The following SFMBT2 variants were observed in gnomAD, a reference collection of about 807,000 sequenced individuals.
SFMBT2 encodes scm-like with four MBT domains protein 2.
In SFMBT2, 38 loss-of-function variants were observed where a neutral mutation model predicts 110.1. The ratio of observed to expected loss-of-function variants is 0.35; its 90% CI spans 0.27 to 0.45. The LOEUF is 0.45. SFMBT2 is among the 20% of genes least tolerant of loss of function. SFMBT2 has a pLI of 1.00. For synonymous variants in SFMBT2, 425 were observed against 425.4 expected (o/e 1.00, Z 0.01); for missense variants, 1,011 against 1,094.9 (o/e 0.92, Z 1.08).
At position 7,179,341 on chromosome 10, in the gene SFMBT2, C is replaced by T. The variant is rs185606638; in HGVS notation, c.1809-3176G>A. 4.3e-3 allele frequency among the ~76,000 whole-genome samples: 617 copies of T among 143,698 alleles called. 2 individuals are homozygous for T. The highest frequency in any genetic ancestry group is 7.2e-3 in the Non-Finnish European group (481 of 66,766). The allele number at this position is 143,698 out of a possible 152,430, so 94.3% of individuals were successfully genotyped here. On this transcript the variant is annotated intron_variant, in intron 16 of 20. Transcript: ENST00000397167. ...CTCTCCGTGCCTTTGAAGAGGGACTCCAGGACCCACGTTGGGGCGGTTCTT... is the reference window on the plus strand; with the variant it reads ...CTCTCCGTGCCTTTGAAGAGGGACTTCAGGACCCACGTTGGGGCGGTTCTT...
At chr10:7,236,396 A>G (rs980332324) in intron 9 of SFMBT2, among the ~76,000 whole-genome samples, 1 of 152,192 alleles carries the variant, frequency 6.6e-6, no homozygotes, top group Non-Finnish European at 1.5e-5. Flanking sequence ...TATCAAGACT[A>G]TATTATTATA....
chr10:7,279,468 A>T (rs1841881341), intron 6 of SFMBT2, among the ~76,000 whole-genome samples: 1 of 152,208 alleles, frequency 6.6e-6, no homozygotes, highest in African/African-American at 2.4e-5. Context: ...TGCAGTTTTG[A>T]CAGCCTGACA....
At chr10:7,348,765 T>C (rs1844202885) in intron 4 of SFMBT2, among the ~76,000 whole-genome samples, 1 of 152,228 alleles carries the variant, frequency 6.6e-6, no homozygotes, top group South Asian at 2.1e-4. Context: ...TCCATCCTTT[T>C]TGAGAGAAAG....
chr10:7,176,261 C>T, intron 16 of SFMBT2, 96 bp from the exon 17 acceptor site: 1 of 1,313,110 alleles, frequency 7.6e-7, no homozygotes, highest in Non-Finnish European at 1.1e-6. Flanking sequence ...ACTTCATTTT[C>T]CAATGACAAA....
intron 10 of SFMBT2, among the ~76,000 whole-genome samples, chr10:7,222,940 G>A (rs1026440596): frequency 6.6e-6 from 1 of 152,136 alleles, no homozygotes; most frequent in Admixed American, 6.5e-5. Context: ...ACAGGTGTGA[G>A]CCACTGAGCC....
chr10:7,402,692 C>T lies in SFMBT2; in HGVS notation c.-52+8169G>A, dbSNP rs939672464. 5.9e-5 allele frequency among the ~76,000 whole-genome samples: 9 copies of T among 152,116 alleles called. No individual in the cohort carries two copies. In the South Asian group the frequency reaches 6.2e-4, roughly 10 times the overall value. The stretch of plus-strand genomic sequence containing the variant: ...TCATAGTCCCAGACCAACAGTACCA[C>T]GGAAGGGGTCTACAAGCAGCTGGCA... On this transcript the variant is annotated intron_variant, in intron 1 of 20. Coordinates refer to ENST00000397167, the MANE Select transcript of SFMBT2 (RefSeq NM_001387889.1).
chr10:7,323,813 G>T (rs1843282802), intron 4 of SFMBT2, among the ~76,000 whole-genome samples: 1 of 152,072 alleles, frequency 6.6e-6, no homozygotes, highest in African/African-American at 2.4e-5. Flanking sequence ...GCTTAAAAAG[G>T]TTTCTTTTTA....
chr10:7,363,730 A>G (rs1844802048), intron 4 of SFMBT2, among the ~76,000 whole-genome samples: 1 of 152,152 alleles, frequency 6.6e-6, no homozygotes. Flanking sequence ...CCCTCATGCA[A>G]AGATGAGAAC....
chr10:7,223,198 G>A (rs945717634), intron 10 of SFMBT2, among the ~76,000 whole-genome samples: 2 of 152,194 alleles, frequency 1.3e-5, no homozygotes, highest in East Asian at 3.8e-4. Flanking sequence ...AACCTTCTAA[G>A]AAGCTGCCAA....
At chr10:7,366,056 G>A (rs921238781) in intron 4 of SFMBT2, among the ~76,000 whole-genome samples, 1 of 152,118 alleles carries the variant, frequency 6.6e-6, no homozygotes, top group African/African-American at 2.4e-5. Context: ...GTGCAGATAG[G>A]GTGTGACCTG....
chr10:7,405,037 GCC>G (rs1248633758), intron 1 of SFMBT2, among the ~76,000 whole-genome samples: 1 of 152,152 alleles, frequency 6.6e-6, no homozygotes, highest in Non-Finnish European at 1.5e-5. Flanking sequence ...ACTTGTTTTA[GCC>G]AACGAGAGTA....
At chr10:7,299,898 C>A (rs1842509576) in intron 4 of SFMBT2, among the ~76,000 whole-genome samples, 2 of 151,962 alleles carry the variant, frequency 1.3e-5, no homozygotes. Context: ...TGGAGCCAAC[C>A]CAAATACCCA....
intron 1 of SFMBT2, among the ~76,000 whole-genome samples, chr10:7,409,622 GAC>G (rs1846317288): frequency 6.6e-6 from 1 of 151,564 alleles, no homozygotes; most frequent in African/African-American, 2.4e-5. Context: ...CAATGGACTT[GAC>G]ACACAGACTC....
At chr10:7,189,440 T>A (rs1236187758) in intron 15 of SFMBT2, among the ~76,000 whole-genome samples, 1 of 152,142 alleles carries the variant, frequency 6.6e-6, no homozygotes, top group East Asian at 1.9e-4. Flanking sequence ...GGAGATACGA[T>A]GTTCCTGTTA....
intron 4 of SFMBT2, among the ~76,000 whole-genome samples, chr10:7,337,458 C>T (rs1031495453): frequency 7.2e-5 from 11 of 152,286 alleles, no homozygotes; most frequent in African/African-American, 2.4e-4. Context: ...TGGTTTAACG[C>T]CATCCTCCTT....
chr10:7,221,854 T>C (rs1839752668), intron 10 of SFMBT2, among the ~76,000 whole-genome samples: 1 of 152,164 alleles, frequency 6.6e-6, no homozygotes, highest in South Asian at 2.1e-4. Context: ...ATTATGCAGC[T>C]ACAACCACAA....
chr10:7,211,415 A>G (rs957091928), intron 11 of SFMBT2, among the ~76,000 whole-genome samples: 1 of 152,110 alleles, frequency 6.6e-6, no homozygotes, highest in Non-Finnish European at 1.5e-5. Context: ...GAACTTTGCT[A>G]TGGTTCCTGC....
At chr10:7,200,178 A>G (rs1184151950) in intron 14 of SFMBT2, among the ~76,000 whole-genome samples, 2 of 152,214 alleles carry the variant, frequency 1.3e-5, no homozygotes, top group African/African-American at 2.4e-5. Flanking sequence ...CCCTTTTTCT[A>G]TAGACTAGAA....
At chr10:7,267,390 G>A (rs1179841499) in intron 7 of SFMBT2, among the ~76,000 whole-genome samples, 1 of 152,224 alleles carries the variant, frequency 6.6e-6, no homozygotes. Context: ...ACACAGAGGT[G>A]TGAAGCGGAG....
Sources: gnomAD v4.1 joint callset for allele counts (sites outside exome capture counted in the v4.1 genomes callset) on GRCh38, gnomAD v4.1.1 for gene constraint, MANE v1.5 for transcripts, NCBI Gene and HGNC (gene_info 2026-07-23, HGNC 2026-07-21) for gene names.